VPS13B: variants seen among roughly 807,000 people sequenced by gnomAD.
The protein encoded by VPS13B is vacuolar protein sorting 13 homolog B.
VPS13B carries 285 observed loss-of-function variants against 426.4 expected under a neutral mutation model. The observed-to-expected ratio is 0.67, with a 90% CI of 0.61 to 0.74. VPS13B has a LOEUF of 0.74. Among genes scored for constraint, VPS13B ranks in the 30% least tolerant of loss-of-function variants. VPS13B has a pLI of 0.00. For missense variants in VPS13B, 4,537 were observed against 4,782.6 expected (o/e 0.95, Z 1.51); for synonymous variants, 1,676 against 1,676.4 (o/e 1.00, Z 0.01).
rs540258111 is a variant in VPS13B, at chr8:99,726,685, C to CT, written c.7050+5644dup. Among the ~76,000 whole-genome samples, 961 of 152,010 alleles carry CT rather than the reference C, an allele frequency of 6.3e-3. 8 individuals carry two copies. Among genetic ancestry groups the CT allele is most frequent in the African/African-American group, 0.022 (903 of 41,476 alleles). ...AACAAATTCTTAAGATTGAAAATGC[C>CT]TTTTTTAATCGAGAAAGTGTTAGCC... is the stretch of plus-strand genomic sequence containing the variant. On this transcript the variant is annotated intron_variant, in intron 39 of 61. Coordinates refer to ENST00000357162, the MANE Select transcript of VPS13B (RefSeq NM_152564.5).
intron 34 of VPS13B, among the ~76,000 whole-genome samples, chr8:99,655,084 C>T (rs531067605): frequency 4.3e-4 from 65 of 152,276 alleles, no homozygotes; most frequent in African/African-American, 1.5e-3. Context: ...ATTTCAGTCC[C>T]TTCTTTGAAT....
At chr8:99,142,874 C>G in intron 12 of VPS13B, 100 bp from the exon 13 acceptor site, 1 of 1,247,350 alleles carries the variant, frequency 8.0e-7, no homozygotes, top group Non-Finnish European at 1.1e-6. Flanking sequence ...TGTTTTAAGG[C>G]ATTAAGCTAC....
intron 8 of VPS13B, among the ~76,000 whole-genome samples, chr8:99,133,259 C>G (rs1283845158): frequency 1.3e-5 from 2 of 152,210 alleles, no homozygotes; most frequent in African/African-American, 4.8e-5. Flanking sequence ...GGCTCATGAA[C>G]AGACCTCTGC....
rs1384997994 is a variant in VPS13B at position 99,137,706 on chromosome 8, C to T, written c.1651+954C>T. ...TCATTGGTCAATCCTTAATTTCTTT[C>T]CCTAAACTTTCTCCCAAGTTAATTT... On this transcript the variant is annotated intron_variant, in intron 12 of 61. Coordinates refer to ENST00000357162, the MANE Select transcript of VPS13B (RefSeq NM_152564.5). 2.0e-5 allele frequency among the ~76,000 whole-genome samples: 3 copies of T among 152,094 alleles called. No individual in the cohort carries two copies. The South Asian group carries it at 6.2e-4, about 32-fold the overall frequency.
intron 19 of VPS13B, among the ~76,000 whole-genome samples, chr8:99,357,878 G>A (rs566404345): frequency 3.9e-5 from 6 of 152,208 alleles, no homozygotes; most frequent in East Asian, 1.9e-4. Context: ...ATGGCATAAC[G>A]GAAAGAGGCG....
chr8:99,360,371 G>A (rs1282377112), intron 19 of VPS13B, among the ~76,000 whole-genome samples: 2 of 150,206 alleles, frequency 1.3e-5, no homozygotes, highest in East Asian at 2.0e-4. Flanking sequence ...TCCGCCTCCC[G>A]GGTTCATTCC....
intron 3 of VPS13B, among the ~76,000 whole-genome samples, chr8:99,044,084 CTT>C (rs5893476): frequency 1.0e-5 from 1 of 98,926 alleles, no homozygotes; most frequent in Non-Finnish European, 1.9e-5. Flanking sequence ...TTCTTTCTTT[CTT>C]TTTTTTTTTT....
chr8:99,381,018 G>A (rs1043309764), intron 19 of VPS13B, among the ~76,000 whole-genome samples: 1 of 151,846 alleles, frequency 6.6e-6, no homozygotes, highest in Non-Finnish European at 1.5e-5. Flanking sequence ...TAAACCAATG[G>A]TTATTTTTAT....
chr8:99,014,202 C>CCG (rs1228582923), intron 2 of VPS13B, among the ~76,000 whole-genome samples: 2 of 146,078 alleles, frequency 1.4e-5, no homozygotes, highest in Non-Finnish European at 3.0e-5. Context: ...ACTGCAACCT[C>CCG]CGCCTCCGGG....
intron 17 of VPS13B, among the ~76,000 whole-genome samples, chr8:99,269,043 A>G (rs1818445629): frequency 6.6e-6 from 1 of 152,002 alleles, no homozygotes; most frequent in Admixed American, 6.6e-5. Context: ...GTGAAGAAGG[A>G]CGTGTTTGCT....
At chr8:99,791,620 T>G (rs1298594404) in intron 43 of VPS13B, among the ~76,000 whole-genome samples, 1 of 151,292 alleles carries the variant, frequency 6.6e-6, no homozygotes, top group East Asian at 2.0e-4. Flanking sequence ...TGAGAGAGAT[T>G]ATAGTAACTG....
At chr8:99,621,606 G>A (rs2133893396) in intron 33 of VPS13B, among the ~76,000 whole-genome samples, 1 of 152,128 alleles carries the variant, frequency 6.6e-6, no homozygotes, top group South Asian at 2.1e-4. Context: ...TTTAGTGATT[G>A]TCTTGTTGCA....
At chr8:99,222,430 A>G (rs1281963597) in intron 17 of VPS13B, among the ~76,000 whole-genome samples, 1 of 152,250 alleles carries the variant, frequency 6.6e-6, no homozygotes, top group Non-Finnish European at 1.5e-5. Context: ...GATAAATTGC[A>G]TTAATCACAG....
chr8:99,846,540 G>A (rs1242398332), intron 54 of VPS13B, among the ~76,000 whole-genome samples: 1 of 152,188 alleles, frequency 6.6e-6, no homozygotes, highest in Non-Finnish European at 1.5e-5. Context: ...CCCTAGAGCT[G>A]CCATCATGCA....
At chr8:99,521,032 C>A in intron 30 of VPS13B, 22 bp downstream of exon 30, 1 of 1,587,218 alleles carries the variant, frequency 6.3e-7, no homozygotes, top group South Asian at 1.1e-5. Flanking sequence ...TTCTTATGTC[C>A]AATCTTGCAA....
chr8:99,721,100 C>A, intron 39 of VPS13B, 53 bp downstream of exon 39: 1 of 1,574,022 alleles, frequency 6.4e-7, no homozygotes, highest in South Asian at 1.1e-5. Context: ...AAGGGCTGAT[C>A]ATATATTAGG....
chr8:99,166,129 G>A (rs1811990380), intron 15 of VPS13B, among the ~76,000 whole-genome samples: 1 of 152,118 alleles, frequency 6.6e-6, no homozygotes, highest in Non-Finnish European at 1.5e-5. Context: ...ACAGGCACGT[G>A]CCACCACTCC....
chr8:99,423,996 G>A (rs145015467), intron 21 of VPS13B, among the ~76,000 whole-genome samples: 277 of 152,266 alleles, frequency 1.8e-3, no homozygotes, highest in African/African-American at 6.3e-3. Context: ...TCTGTCTAAT[G>A]TTGACAGTGG....
intron 19 of VPS13B, among the ~76,000 whole-genome samples, chr8:99,289,954 G>A (rs1819640948): frequency 6.6e-6 from 1 of 152,228 alleles, no homozygotes; most frequent in South Asian, 2.1e-4. Flanking sequence ...TTGGGCAAGT[G>A]TCATTAGAGT....
Sources: allele counts gnomAD v4.1 joint callset (sites outside exome capture counted in the v4.1 genomes callset), GRCh38; gene constraint gnomAD v4.1.1; transcripts MANE v1.5; gene names NCBI Gene and HGNC (gene_info 2026-07-23, HGNC 2026-07-21).